Variants in METTL22 observed in about 807,000 individuals in gnomAD.
The protein encoded by METTL22 is methyltransferase-like protein 22.
METTL22 carries 51 observed loss-of-function variants against 48.4 expected under a neutral mutation model. That is an observed-to-expected ratio of 1.05 (90% CI 0.84 to 1.33). The LOEUF is 1.33. METTL22 is among the 40% of genes most tolerant of loss of function. METTL22 has a pLI of 0.00. For missense variants in METTL22, 678 were observed against 526.9 expected (o/e 1.29, Z -2.81); for synonymous variants, 255 against 214.1 (o/e 1.19, Z -1.67).
At chr16:8,666,081 C>T in the METTL22 span, among the ~76,000 whole-genome samples, 1 of 152,164 alleles carries the variant, frequency 6.6e-6, no homozygotes, top group South Asian at 2.1e-4. Flanking sequence ...AGTTCACCTG[C>T]CTCTATCATC....
At chr16:8,646,032 A>ACTACTCTTCTTGCCTGCTCCGTGGC in intron 10 of METTL22, 76 bp from the exon 11 acceptor site, 1 of 1,390,662 alleles carries the variant, frequency 7.2e-7, no homozygotes, top group Admixed American at 2.7e-5. Context: ...TCCTTGGTGA[A>ACTACTCTTCTTGCCTGCTCCGTGGC]TCACTTTCCT....
Position 8,644,703 on chromosome 16 carries a change from T to C in METTL22, c.1157T>C (p.Val386Ala). 3 of 1,595,076 alleles carry C rather than the reference T, an allele frequency of 1.9e-6. No individual in the cohort carries two copies. Among genetic ancestry groups the C allele is most frequent in the Non-Finnish European group, 2.6e-6 (3 of 1,170,008 alleles). The change falls in exon 10 of 11, where the codon GTT becomes GCT. Residue 386 changes from valine to alanine, a missense_variant. Physicochemically the swap from Val to Ala is moderately conservative, Grantham distance 64. Transcript: ENST00000381920. Reference sequence around the variant, plus strand: ...GAGGCCTCCTTCCCACAGCTCCTGGTTTACGAGCGCCTCCAGCAACTGGTA... The same window carrying C: ...GAGGCCTCCTTCCCACAGCTCCTGGCTTACGAGCGCCTCCAGCAACTGGTA... ...PVEASFPQLL[V>A]YERLQQLELW...
intron 9 of METTL22, chr16:8,643,066 C>T (rs1303292305): frequency 1.2e-5 from 2 of 169,276 alleles, no homozygotes; most frequent in African/African-American, 2.4e-5. Context: ...TGAGTGCCCA[C>T]CTTGTGATAG....
chr16:8,646,064 G>A, intron 10 of METTL22, 44 bp from the exon 11 acceptor site: 1 of 1,439,868 alleles, frequency 6.9e-7, no homozygotes, highest in Non-Finnish European at 9.1e-7. Flanking sequence ...TGATGCTCTT[G>A]TATGTGCACT....
chr16:8,652,751 C>G (rs1233324587), downstream of METTL22, among the ~76,000 whole-genome samples: 1 of 152,056 alleles, frequency 6.6e-6, no homozygotes, highest in Non-Finnish European at 1.5e-5. Context: ...TACCTTGGCC[C>G]TATGTGAGTG....
intron 3 of METTL22, among the ~76,000 whole-genome samples, chr16:8,632,882 G>A (rs991858920): frequency 1.3e-5 from 2 of 152,154 alleles, no homozygotes; most frequent in Non-Finnish European, 2.9e-5. Context: ...AGGACAGCTG[G>A]GAGGCAGAAC....
In METTL22 at chr16:8,646,542, G is replaced by A. The variant is rs956711259; in HGVS notation, c.*399G>A. 2.2e-5 allele frequency: 11 copies of A among 489,946 alleles called. No homozygotes were observed. Among genetic ancestry groups the A allele is most frequent in the Non-Finnish European group, 3.6e-5 (9 of 249,540 alleles). 30.3% of individuals were successfully genotyped at this position (489,946 alleles called of 1,614,324 possible). On this transcript the variant is annotated 3_prime_UTR_variant, in exon 11 of 11. Transcript: ENST00000381920. ...GTTTACAGATGGGTTGACTACCACT[G>A]CCAGTATTGCCATCATATTGCCGCT...
chr16:8,639,208 T>G, intron 6 of METTL22, 46 bp downstream of exon 6: 2 of 1,594,578 alleles, frequency 1.3e-6, no homozygotes, highest in Non-Finnish European at 1.7e-6. Flanking sequence ...TTTCTCTGTT[T>G]AGCAGATAGG....
At chr16:8,654,550 C>T (rs2056938348), downstream of METTL22, among the ~76,000 whole-genome samples, 1 of 152,218 alleles carries the variant, frequency 6.6e-6, no homozygotes, top group Non-Finnish European at 1.5e-5. Context: ...TGCACACATG[C>T]ACGCATGCAT....
chr16:8,656,713 C>T, the METTL22 span, among the ~76,000 whole-genome samples: 6 of 152,356 alleles, frequency 3.9e-5, no homozygotes, highest in South Asian at 1.2e-3. Flanking sequence ...TCCTGACAAC[C>T]CAGGAAGCTG....
intron 9 of METTL22, among the ~76,000 whole-genome samples, chr16:8,643,127 G>A (rs1335920460): frequency 6.6e-6 from 1 of 152,212 alleles, no homozygotes; most frequent in African/African-American, 2.4e-5. Context: ...CTTTTCTGAA[G>A]ATCGTTCGGA....
At chr16:8,633,711 T>C (rs2056336289) in intron 3 of METTL22, among the ~76,000 whole-genome samples, 1 of 152,262 alleles carries the variant, frequency 6.6e-6, no homozygotes, top group East Asian at 1.9e-4. Context: ...AGCCACCTTT[T>C]CCTCATCCAA....
chr16:8,632,725 G>A (rs754342562), intron 3 of METTL22, among the ~76,000 whole-genome samples: 6 of 152,174 alleles, frequency 3.9e-5, no homozygotes, highest in African/African-American at 7.2e-5. Flanking sequence ...GGCTACTTCT[G>A]CATTTTGCAA....
At chr16:8,654,375 C>G (rs528203918), downstream of METTL22, among the ~76,000 whole-genome samples, 126 of 152,348 alleles carry the variant, frequency 8.3e-4, 1 homozygote, top group Non-Finnish European at 1.6e-3. Flanking sequence ...TGGAAAGTTA[C>G]ATACCACATG....
At chr16:8,641,642 TC>T in intron 7 of METTL22, 2 of 243,176 alleles carry the variant, frequency 8.2e-6, no homozygotes, top group Admixed American at 7.9e-5. Flanking sequence ...TATAAAGATG[TC>T]TTTTTTTTTT....
chr16:8,653,398 G>T (rs1158381752), downstream of METTL22, among the ~76,000 whole-genome samples: 1 of 152,144 alleles, frequency 6.6e-6, no homozygotes, highest in East Asian at 1.9e-4. Flanking sequence ...GGACAGCACC[G>T]ATCTCTGTCC....
chr16:8,660,286 C>T, the METTL22 span, among the ~76,000 whole-genome samples: 9 of 152,084 alleles, frequency 5.9e-5, no homozygotes, highest in African/African-American at 1.4e-4. Flanking sequence ...AAGCAATTCT[C>T]GTGCCTCAGC....
chr16:8,642,716 T>A, intron 9 of METTL22, 151 bp downstream of exon 9: 1 of 737,102 alleles, frequency 1.4e-6, no homozygotes, highest in South Asian at 1.5e-5. Flanking sequence ...TCATCCTTTG[T>A]GTACGTTACT....
intron 6 of METTL22, among the ~76,000 whole-genome samples, chr16:8,640,823 TG>T (rs1242780101): frequency 1.3e-5 from 1 of 77,128 alleles, no homozygotes; most frequent in Non-Finnish European, 2.5e-5. Flanking sequence ...GGTGGGTGGG[TG>T]GGTAGATGGA....
Sources: gnomAD v4.1 joint callset for allele counts (sites outside exome capture counted in the v4.1 genomes callset) on GRCh38, gnomAD v4.1.1 for gene constraint, MANE v1.5 for transcripts, NCBI Gene and HGNC (gene_info 2026-07-23, HGNC 2026-07-21) for gene names.